Variants in ATP10B observed in about 807,000 individuals in gnomAD.
ATP10B encodes the protein ATPase phospholipid transporting 10B (putative).
ATP10B carries 122 observed loss-of-function variants against 141.2 expected under a neutral mutation model. That is an observed-to-expected ratio of 0.86 (90% CI 0.75 to 1.00). The LOEUF is 1.00. Ranked by LOEUF, ATP10B falls within the 50% of genes least tolerant of loss-of-function variation. The pLI is 0.00. For missense variants in ATP10B, 1,876 were observed against 1,825.3 expected, an observed-to-expected ratio of 1.03 and a Z score of -0.51; for synonymous variants, 685 against 692.0, an observed-to-expected ratio of 0.99 and a Z score of 0.16.
At chr5:160,623,505 G>A (rs1207497430) in intron 13 of ATP10B, among the ~76,000 whole-genome samples, 1 of 149,288 alleles carries the variant, frequency 6.7e-6, no homozygotes, top group African/African-American at 2.5e-5. Context: ...TCAAGATAAA[G>A]CAAAGATGAT....
chr5:160,617,740 C>G, intron 16 of ATP10B, 124 bp downstream of exon 16: 1 of 849,720 alleles, frequency 1.2e-6, no homozygotes, highest in Non-Finnish European at 1.8e-6. Flanking sequence ...CAAGTCAGAA[C>G]AGCTAATCTT....
chr5:160,794,577 A>G (rs941097581), intron 1 of ATP10B, among the ~76,000 whole-genome samples: 2 of 152,204 alleles, frequency 1.3e-5, no homozygotes, highest in Non-Finnish European at 2.9e-5. Flanking sequence ...CTGTGGTGGT[A>G]CATTTTGGCA....
intron 1 of ATP10B, among the ~76,000 whole-genome samples, chr5:160,833,645 T>C (rs112943928): frequency 0.011 from 1,654 of 152,162 alleles, 18 homozygotes; most frequent in Middle Eastern, 0.034. Context: ...AAGACAAATA[T>C]TATAAAATAA....
In ATP10B at chr5:160,837,554, A is replaced by AT. The variant is rs200338833; in HGVS notation, c.-576+14386dup. On this transcript the variant is annotated intron_variant, in intron 1 of 25. Coordinates refer to ENST00000327245, the MANE Select transcript of ATP10B (RefSeq NM_025153.3). ...ATCAAGATCTCTCTACCAAAATATGATTTTTTTCAGTAAAATCACAACAAA... is the reference window on the plus strand; with the variant it reads ...ATCAAGATCTCTCTACCAAAATATGATTTTTTTTCAGTAAAATCACAACAAA... 6.1e-3 allele frequency among the ~76,000 whole-genome samples: 924 copies of AT among 152,218 alleles called. 13 individuals carry two copies. Among genetic ancestry groups the AT allele is most frequent in the African/African-American group, 0.021 (874 of 41,548 alleles).
chr5:160,893,457 G>A, the ATP10B span, among the ~76,000 whole-genome samples: 1 of 152,164 alleles, frequency 6.6e-6, no homozygotes, highest in African/African-American at 2.4e-5. Context: ...AGAACCCACT[G>A]CAGCGATGCA....
intron 24 of ATP10B, among the ~76,000 whole-genome samples, chr5:160,573,652 T>C (rs1755013779): frequency 1.3e-5 from 2 of 152,302 alleles, no homozygotes; most frequent in South Asian, 4.1e-4. Flanking sequence ...CTAGGTTGCA[T>C]GCTCCTTATG....
chr5:160,858,795 C>CA, the ATP10B span, among the ~76,000 whole-genome samples: 1 of 151,740 alleles, frequency 6.6e-6, no homozygotes, highest in South Asian at 2.1e-4. Context: ...CAACTTATTA[C>CA]AATCTATAGT....
intron 12 of ATP10B, chr5:160,633,392 G>A (rs1759077902): frequency 1.3e-5 from 2 of 152,232 alleles, no homozygotes; most frequent in Admixed American, 6.5e-5. Context: ...AAAAAAGGAT[G>A]AGTTCATGTC....
In ATP10B at chr5:160,734,986, A is replaced by C. The variant is rs565907480; in HGVS notation, c.-330-17952T>G. 3.9e-5 allele frequency among the ~76,000 whole-genome samples: 6 copies of C among 152,068 alleles called. No individual in the cohort carries two copies. In the South Asian group the frequency reaches 1.2e-3, roughly 32 times the overall value. On this transcript the variant is annotated intron_variant, in intron 2 of 25. Coordinates refer to ENST00000327245, the MANE Select transcript of ATP10B (RefSeq NM_025153.3). Reference sequence around the variant, plus strand: ...CCTCATAGTAACCTCAAATTAAAAAAGATACAATGGATACACAAAAAATGA... The same window carrying C: ...CCTCATAGTAACCTCAAATTAAAAACGATACAATGGATACACAAAAAATGA...
At chr5:160,882,750 A>G in the ATP10B span, among the ~76,000 whole-genome samples, 1 of 152,170 alleles carries the variant, frequency 6.6e-6, no homozygotes, top group Admixed American at 6.5e-5. Flanking sequence ...AAGAGAAAAA[A>G]CAAGTTAAGA....
chr5:160,736,835 AAAG>A (rs1374424740), intron 2 of ATP10B, among the ~76,000 whole-genome samples: 1 of 152,216 alleles, frequency 6.6e-6, no homozygotes. Context: ...CCAAACATTT[AAAG>A]AAGAACTAAT....
chr5:160,919,219 G>A, the ATP10B span, among the ~76,000 whole-genome samples: 4 of 18,050 alleles, frequency 2.2e-4, no homozygotes, highest in African/African-American at 2.5e-3. Context: ...GCGAAACTCC[G>A]TCTCAAAAAA....
At chr5:160,811,503 G>A (rs1773148574) in intron 1 of ATP10B, among the ~76,000 whole-genome samples, 1 of 152,118 alleles carries the variant, frequency 6.6e-6, no homozygotes, top group African/African-American at 2.4e-5. Context: ...CTGCTGAAGA[G>A]CCCTTGGACT....
chr5:160,926,035 C>T, the ATP10B span, among the ~76,000 whole-genome samples: 6 of 152,226 alleles, frequency 3.9e-5, no homozygotes, highest in African/African-American at 1.4e-4. Context: ...AGAGCACGTG[C>T]TCTGAATCAA....
intron 2 of ATP10B, among the ~76,000 whole-genome samples, chr5:160,755,731 C>G (rs1015703298): frequency 3.1e-4 from 44 of 142,714 alleles, no homozygotes; most frequent in African/African-American, 9.7e-4. Context: ...AGGAGAATGG[C>G]GTGAACTCGG....
chr5:160,733,307 G>A (rs1239687062), intron 2 of ATP10B, among the ~76,000 whole-genome samples: 1 of 152,064 alleles, frequency 6.6e-6, no homozygotes, highest in Non-Finnish European at 1.5e-5. Flanking sequence ...CAATGCCACA[G>A]GAACCTGTTA....
At chr5:160,847,245 T>C (rs1216622636) in intron 1 of ATP10B, among the ~76,000 whole-genome samples, 1 of 152,220 alleles carries the variant, frequency 6.6e-6, no homozygotes, top group East Asian at 1.9e-4. Flanking sequence ...TATTTGAGTG[T>C]ATCTAGCTTC....
chr5:160,785,230 C>A (rs11135121), intron 2 of ATP10B, among the ~76,000 whole-genome samples: 41,938 of 151,916 alleles, frequency 0.28, 6,129 homozygotes, highest in African/African-American at 0.36. Context: ...TTGTTATTTA[C>A]GCCACCTTGA....
the ATP10B span, among the ~76,000 whole-genome samples, chr5:160,892,192 G>C: frequency 6.6e-6 from 1 of 152,126 alleles, no homozygotes; most frequent in South Asian, 2.1e-4. Context: ...TAAAACCCAA[G>C]CTCCAAGCTC....
Sources: gnomAD v4.1 joint callset for allele counts (sites outside exome capture counted in the v4.1 genomes callset) on GRCh38, gnomAD v4.1.1 for gene constraint, MANE v1.5 for transcripts, NCBI Gene and HGNC (gene_info 2026-07-23, HGNC 2026-07-21) for gene names.